DTNA: variants seen among roughly 807,000 people sequenced by gnomAD.
The protein encoded by DTNA is dystrophin-related protein 3.
In DTNA, 43 loss-of-function variants were observed where a neutral mutation model predicts 100.7. The observed-to-expected ratio is 0.43, with a 90% CI of 0.33 to 0.55. DTNA has a LOEUF of 0.55. Among genes scored for constraint, DTNA ranks in the 20% least tolerant of loss-of-function variants. The probability of loss-of-function intolerance (pLI) is 0.04; values close to 1 mark genes in which losing one functional copy is unlikely to be tolerated. For synonymous variants in DTNA, 349 were observed against 347.9 expected (o/e 1.00, Z -0.04); for missense variants, 798 against 953.9 (o/e 0.84, Z 2.15).
At chr18:34,789,740 T>A (rs1225616621) in intron 3 of DTNA, among the ~76,000 whole-genome samples, 1 of 152,208 alleles carries the variant, frequency 6.6e-6, no homozygotes, top group Non-Finnish European at 1.5e-5. Flanking sequence ...TCATGAAATA[T>A]TTTTCTTTTA....
intron 1 of DTNA, among the ~76,000 whole-genome samples, chr18:34,516,162 A>G (rs2041592842): frequency 6.6e-6 from 1 of 152,056 alleles, no homozygotes; most frequent in Non-Finnish European, 1.5e-5. Flanking sequence ...ACAAGAGAGA[A>G]ATTTTAAAGC....
chr18:34,781,683 A>G (rs1568500294), intron 3 of DTNA, among the ~76,000 whole-genome samples: 2 of 152,126 alleles, frequency 1.3e-5, no homozygotes, highest in Non-Finnish European at 2.9e-5. Context: ...GGCCACAGCT[A>G]TTTTCTGAAT....
rs367611999 is a variant in DTNA at position 34,770,322 on chromosome 18, C to T, written c.148+4281C>T. Among the ~76,000 whole-genome samples, 5 of 151,634 alleles carry T rather than the reference C, an allele frequency of 3.3e-5. No individual in the cohort carries two copies. The East Asian group carries it at 5.9e-4, about 18-fold the overall frequency. On this transcript the variant is annotated intron_variant, in intron 3 of 22. Coordinates refer to ENST00000444659, the MANE Select transcript of DTNA (RefSeq NM_001386795.1). Reference sequence around the variant, plus strand: ...TAAAACTACATAAAGGAGGAAAAAACAAAAACGGCTGTTGTAAAACTATCA... The same window carrying T: ...TAAAACTACATAAAGGAGGAAAAAATAAAAACGGCTGTTGTAAAACTATCA...
chr18:34,887,644 T>TGTG, intron 22 of DTNA, 122 bp from the exon 23 acceptor site: 1 of 636,540 alleles, frequency 1.6e-6, no homozygotes, highest in Non-Finnish European at 2.0e-6. Flanking sequence ...TGTGTGCATG[T>TGTG]GTGTGTGTGT....
intron 1 of DTNA, among the ~76,000 whole-genome samples, chr18:34,704,077 CT>C (rs370529202): frequency 1.3e-5 from 2 of 152,092 alleles, no homozygotes; most frequent in African/African-American, 4.8e-5. Context: ...TTCTCATATT[CT>C]TTTTTTATCA....
At chr18:34,655,254 A>G (rs988137587) in intron 1 of DTNA, among the ~76,000 whole-genome samples, 2 of 152,118 alleles carry the variant, frequency 1.3e-5, no homozygotes, top group Non-Finnish European at 2.9e-5. Flanking sequence ...TATTGGACAT[A>G]TTCACTGCCT....
At chr18:34,527,220 A>G (rs187062148) in intron 1 of DTNA, among the ~76,000 whole-genome samples, 40 of 152,134 alleles carry the variant, frequency 2.6e-4, no homozygotes, top group African/African-American at 9.6e-4. Flanking sequence ...TCTCTCTGCT[A>G]AAAGAGTGCA....
At chr18:34,641,879 C>T (rs964495391) in intron 1 of DTNA, among the ~76,000 whole-genome samples, 1 of 152,114 alleles carries the variant, frequency 6.6e-6, no homozygotes, top group Non-Finnish European at 1.5e-5. Flanking sequence ...AAGTTACATG[C>T]GTGCTGACTT....
At chr18:34,836,413 G>A (rs1195923134) in intron 11 of DTNA, among the ~76,000 whole-genome samples, 1 of 152,124 alleles carries the variant, frequency 6.6e-6, no homozygotes, top group Non-Finnish European at 1.5e-5. Context: ...AGCACTTTGG[G>A]AGGCCGAGGG....
intron 8 of DTNA, 139 bp from the exon 9 acceptor site, chr18:34,820,652 A>G: frequency 6.5e-6 from 9 of 1,390,964 alleles, no homozygotes; most frequent in Non-Finnish European, 7.9e-6. Flanking sequence ...CCGAGCATTG[A>G]GCAAACTTCC....
chr18:34,859,331 C>T (rs1568807941), intron 16 of DTNA, among the ~76,000 whole-genome samples: 2 of 152,122 alleles, frequency 1.3e-5, no homozygotes, highest in South Asian at 2.1e-4. Flanking sequence ...TTTATTGAAA[C>T]GAAAGTACAC....
In DTNA at chr18:34,828,008, G is replaced by C. The variant is rs547075163; in HGVS notation, c.1085+332G>C. Reference sequence around the variant, plus strand: ...CATAGTCCTCAGAGTTGAAGTCAAAGAACTGGAATTTCAGGATGCAATGGT... The same window carrying C: ...CATAGTCCTCAGAGTTGAAGTCAAACAACTGGAATTTCAGGATGCAATGGT... On this transcript the variant is annotated intron_variant, in intron 10 of 22. Transcript: ENST00000444659. Among the ~76,000 whole-genome samples the C allele has an allele frequency of 2.0e-5, 3 of 152,226 alleles. No individual in the cohort carries two copies. In the South Asian group the frequency reaches 6.2e-4, roughly 32 times the overall value.
chr18:34,879,904 T>C (rs1252884880), intron 20 of DTNA, among the ~76,000 whole-genome samples, 185 bp downstream of exon 20: 2 of 152,160 alleles, frequency 1.3e-5, no homozygotes, highest in African/African-American at 4.8e-5. Context: ...TTTCCCCTCT[T>C]ACAATTTCCA....
chr18:34,834,603 T>A (rs2096094142), intron 11 of DTNA, among the ~76,000 whole-genome samples: 1 of 152,140 alleles, frequency 6.6e-6, no homozygotes, highest in South Asian at 2.1e-4. Context: ...CTGCTTCCAC[T>A]TATGACAGAA....
chr18:34,720,147 ACAAAGT>A (rs2084969488), intron 1 of DTNA, among the ~76,000 whole-genome samples: 1 of 152,144 alleles, frequency 6.6e-6, no homozygotes, highest in South Asian at 2.1e-4. Flanking sequence ...TGGAAGGGTC[ACAAAGT>A]CAAAGTCAAG....
chr18:34,690,220 GT>G, intron 1 of DTNA, among the ~76,000 whole-genome samples: 1 of 152,166 alleles, frequency 6.6e-6, no homozygotes, highest in Admixed American at 6.5e-5. Context: ...AGCTAGCTTG[GT>G]GTCTTCCCAA....
intron 1 of DTNA, among the ~76,000 whole-genome samples, chr18:34,722,837 T>C (rs1381732913): frequency 2.6e-5 from 4 of 152,224 alleles, no homozygotes; most frequent in African/African-American, 4.8e-5. Context: ...GTCTGGTTTC[T>C]TTCACTCAGT....
intron 1 of DTNA, among the ~76,000 whole-genome samples, chr18:34,727,401 C>T (rs1408565549): frequency 6.6e-6 from 1 of 152,050 alleles, no homozygotes; most frequent in Non-Finnish European, 1.5e-5. Context: ...AATTTATAAA[C>T]AAGGATACTG....
chr18:34,633,377 T>A (rs112692240), intron 1 of DTNA, among the ~76,000 whole-genome samples: 24 of 152,142 alleles, frequency 1.6e-4, no homozygotes, highest in Admixed American at 1.2e-3. Context: ...CTTTAAAAAA[T>A]TTTTAATAGT....
Sources: allele counts gnomAD v4.1 joint callset (sites outside exome capture counted in the v4.1 genomes callset), GRCh38; gene constraint gnomAD v4.1.1; transcripts MANE v1.5; gene names NCBI Gene and HGNC (gene_info 2026-07-23, HGNC 2026-07-21).